The following CACNA2D3 variants were observed in gnomAD, a reference collection of about 807,000 sequenced individuals.
CACNA2D3 encodes voltage-dependent calcium channel subunit alpha-2/delta-3.
CACNA2D3 carries 60 observed loss-of-function variants against 160.6 expected under a neutral mutation model. The ratio of observed to expected loss-of-function variants is 0.37; its 90% confidence interval spans 0.30 to 0.46. CACNA2D3 has a LOEUF of 0.46. CACNA2D3 is among the 20% of genes least tolerant of loss of function. The pLI, the probability that CACNA2D3 is intolerant of heterozygous loss-of-function variation, is 1.00. For missense variants in CACNA2D3, 1,205 were observed against 1,365.0 expected, an observed-to-expected ratio of 0.88 and a Z score of 1.85; for synonymous variants, 558 against 492.9, an observed-to-expected ratio of 1.13 and a Z score of -1.75.
chr3:54,587,361 A>G (rs1702780477), intron 9 of CACNA2D3, among the ~76,000 whole-genome samples: 1 of 152,134 alleles, frequency 6.6e-6, no homozygotes, highest in Non-Finnish European at 1.5e-5. Flanking sequence ...GTTGGAGACC[A>G]TCCTGGCCAA....
intron 2 of CACNA2D3, among the ~76,000 whole-genome samples, chr3:54,315,544 T>G (rs1441731867): frequency 6.6e-6 from 1 of 152,170 alleles, no homozygotes; most frequent in Non-Finnish European, 1.5e-5. Flanking sequence ...CACCTACCCC[T>G]CTACTCCCCT....
At chr3:54,274,222 A>G (rs1004441466) in intron 2 of CACNA2D3, among the ~76,000 whole-genome samples, 1 of 152,054 alleles carries the variant, frequency 6.6e-6, no homozygotes, top group Non-Finnish European at 1.5e-5. Flanking sequence ...ATGCATATAT[A>G]TATATATAAG....
intron 25 of CACNA2D3, 114 bp from the exon 26 acceptor site, chr3:54,896,635 T>C (rs1326131023): frequency 8.0e-7 from 1 of 1,250,150 alleles, no homozygotes; most frequent in Non-Finnish European, 1.2e-6. Context: ...GAAAGGCAAG[T>C]TGGGGTTCTA....
At chr3:54,657,168 TA>T (rs1323581248) in intron 11 of CACNA2D3, among the ~76,000 whole-genome samples, 1 of 152,144 alleles carries the variant, frequency 6.6e-6, no homozygotes, top group Non-Finnish European at 1.5e-5. Context: ...TGTCTTCAGT[TA>T]AGGCAGGAAT....
At chr3:54,593,050 A>G (rs1702890695) in intron 9 of CACNA2D3, among the ~76,000 whole-genome samples, 1 of 152,216 alleles carries the variant, frequency 6.6e-6, no homozygotes, top group Admixed American at 6.5e-5. Flanking sequence ...TTGCCTGCTG[A>G]AACACCTAGG....
intron 27 of CACNA2D3, among the ~76,000 whole-genome samples, chr3:54,944,814 GGT>G (rs34193625): frequency 0.032 from 3,595 of 111,032 alleles, 131 homozygotes; most frequent in African/African-American, 0.14. Context: ...TAGAGCTGGG[GGT>G]GTGTGTGTGT....
chr3:54,332,656 A>G (rs982165938), intron 3 of CACNA2D3, among the ~76,000 whole-genome samples: 4 of 152,134 alleles, frequency 2.6e-5, no homozygotes, highest in African/African-American at 9.7e-5. Context: ...AATTCCTGTC[A>G]TTTCAAAGAG....
intron 11 of CACNA2D3, among the ~76,000 whole-genome samples, chr3:54,668,032 T>C (rs996984061): frequency 4.6e-5 from 7 of 152,142 alleles, no homozygotes; most frequent in Non-Finnish European, 7.3e-5. Flanking sequence ...AGAAAAAGAA[T>C]TTTCTTATTC....
chr3:54,401,780 A>G (rs775784947), intron 4 of CACNA2D3, among the ~76,000 whole-genome samples: 1 of 152,186 alleles, frequency 6.6e-6, no homozygotes, highest in Admixed American at 6.5e-5. Context: ...AAACAAAAGG[A>G]TGTGAATTAC....
At chr3:54,826,778 G>T in intron 14 of CACNA2D3, among the ~76,000 whole-genome samples, 1 of 149,482 alleles carries the variant, frequency 6.7e-6, no homozygotes, top group South Asian at 2.1e-4. Flanking sequence ...TTATTTAACT[G>T]TTAAGACCAA....
At chr3:54,596,036 T>TG (rs1398117770) in intron 9 of CACNA2D3, among the ~76,000 whole-genome samples, 3 of 152,116 alleles carry the variant, frequency 2.0e-5, no homozygotes, top group African/African-American at 7.2e-5. Flanking sequence ...AGCAATTAGG[T>TG]GGGGAGGGCG....
intron 4 of CACNA2D3, among the ~76,000 whole-genome samples, chr3:54,499,162 T>G (rs563220395): frequency 8.8e-4 from 134 of 152,258 alleles, no homozygotes; most frequent in Non-Finnish European, 1.8e-3. Context: ...TCCTGAATGC[T>G]GAGTCTCTGT....
intron 4 of CACNA2D3, among the ~76,000 whole-genome samples, chr3:54,471,308 A>G (rs543249033): frequency 3.3e-5 from 5 of 152,342 alleles, no homozygotes; most frequent in African/African-American, 1.2e-4. Flanking sequence ...ACTACTGGGT[A>G]AATAACGAAA....
At chr3:55,022,718 T>C (rs1457230328) in intron 35 of CACNA2D3, among the ~76,000 whole-genome samples, 1 of 150,406 alleles carries the variant, frequency 6.6e-6, no homozygotes, top group Non-Finnish European at 1.5e-5. Flanking sequence ...TCCTTTTTTT[T>C]TTTCCATACT....
intron 3 of CACNA2D3, among the ~76,000 whole-genome samples, chr3:54,328,562 A>G (rs1704170930): frequency 6.6e-6 from 1 of 152,042 alleles, no homozygotes. Flanking sequence ...GATTACAGGC[A>G]TGAGCCACCA....
chr3:54,384,019 T>C (rs1160337810), intron 3 of CACNA2D3, among the ~76,000 whole-genome samples: 2 of 152,218 alleles, frequency 1.3e-5, no homozygotes, highest in African/African-American at 2.4e-5. Flanking sequence ...ATGAAATACA[T>C]TTCATGGATA....
intron 13 of CACNA2D3, among the ~76,000 whole-genome samples, chr3:54,767,746 C>CA (rs1482575195): frequency 6.6e-6 from 1 of 151,938 alleles, no homozygotes. Context: ...AGGAAGTGCT[C>CA]AAAACAATAA....
At position 54,320,402 on chromosome 3, in the gene CACNA2D3, C is replaced by T. The variant is rs372335355; in HGVS notation, c.205-40C>T. ...CTGAAATCACAGCTGTGGTGTTTTA[C>T]GGTGTCATGTGTCTTGAATGTTGCC... is the stretch of plus-strand genomic sequence containing the variant. On this transcript the variant is annotated intron_variant, in intron 2 of 37. Coordinates refer to ENST00000474759, the MANE Select transcript of CACNA2D3 (RefSeq NM_018398.3). The T allele has an allele frequency of 3.2e-4, 314 of 992,098 alleles. No individual in the cohort carries two copies. In the African/African-American group the frequency reaches 4.2e-3, roughly 13 times the overall value. The allele number at this position is 992,098 out of a possible 1,614,324, so 61.5% of individuals were successfully genotyped here. A position where few individuals can be genotyped will look rare whatever the true frequency, so the allele number is the denominator to read the frequency against.
At chr3:54,425,068 G>A (rs1323970135) in intron 4 of CACNA2D3, among the ~76,000 whole-genome samples, 1 of 152,202 alleles carries the variant, frequency 6.6e-6, no homozygotes, top group African/African-American at 2.4e-5. Context: ...GGTGGCTCAC[G>A]CCTGTAATCC....
Sources: allele counts gnomAD v4.1 joint callset (sites outside exome capture counted in the v4.1 genomes callset), GRCh38; gene constraint gnomAD v4.1.1; transcripts MANE v1.5; gene names NCBI Gene and HGNC (gene_info 2026-07-23, HGNC 2026-07-21).